The following ADGRL2 variants were observed in gnomAD, a reference collection of about 807,000 sequenced individuals.
The protein encoded by ADGRL2 is adhesion G protein-coupled receptor L2.
In ADGRL2, 44 loss-of-function variants were observed where a neutral mutation model predicts 157.4. The ratio of observed to expected loss-of-function variants is 0.28; its 90% CI spans 0.22 to 0.36. The LOEUF (loss-of-function observed/expected upper bound fraction) is 0.36, where lower values mean the gene tolerates loss of function less well. Ranked by LOEUF, ADGRL2 falls within the 10% of genes least tolerant of loss-of-function variation. The pLI, the probability that ADGRL2 is intolerant of heterozygous loss-of-function variation, is 1.00. For synonymous variants in ADGRL2, 585 were observed against 624.7 expected, an observed-to-expected ratio of 0.94 and a Z score of 0.95; for missense variants, 1,510 against 1,768.9, an observed-to-expected ratio of 0.85 and a Z score of 2.63.
chr1:81,662,222 T>C (rs1445646084), intron 3 of ADGRL2, among the ~76,000 whole-genome samples: 1 of 151,786 alleles, frequency 6.6e-6, no homozygotes, highest in Non-Finnish European at 1.5e-5. Flanking sequence ...ATCACCCTAC[T>C]GTGCTATCAA....
At chr1:81,331,365 C>A (rs1298038238) in intron 1 of ADGRL2, among the ~76,000 whole-genome samples, 1 of 152,074 alleles carries the variant, frequency 6.6e-6, no homozygotes, top group Non-Finnish European at 1.5e-5. Flanking sequence ...AGTTTTGACC[C>A]TTTGGGGGTA....
chr1:81,516,931 G>C (rs1286938180), intron 2 of ADGRL2, among the ~76,000 whole-genome samples: 2 of 135,650 alleles, frequency 1.5e-5, no homozygotes, highest in South Asian at 2.5e-4. Flanking sequence ...ACACTAACTT[G>C]CATACAGTGG....
At chr1:81,710,626 TAAA>T (rs373944276) in intron 1 of ADGRL2, among the ~76,000 whole-genome samples, 4 of 132,490 alleles carry the variant, frequency 3.0e-5, no homozygotes, top group South Asian at 2.5e-4. Context: ...CTCAAAAAAT[TAAA>T]AAAAAAAAAA....
chr1:81,990,456 A>G lies in ADGRL2; in HGVS notation c.3721A>G (p.Asn1241Asp). ...MDTLPLNGNF[N>D]NSYSLHKGDY... ...TACTCTACCGCTAAATGGTAATTTTAACAACAGCTACTCGCTGCACAAGGG... is the reference window on the plus strand; with the variant it reads ...TACTCTACCGCTAAATGGTAATTTTGACAACAGCTACTCGCTGCACAAGGG... Residue 1241 changes from asparagine (N) to aspartate (D), a missense_variant, in exon 24 of 24, where the codon AAC becomes GAC. This residue lies in a region of ADGRL2 where 327 missense variants were observed against 310.1 expected (regional missense o/e 1.05). Coordinates refer to ENST00000686636, the MANE Select transcript of ADGRL2 (RefSeq NM_001366006.2). 2 of 1,614,108 alleles carry G rather than the reference A, an allele frequency of 1.2e-6. No homozygotes were observed. The highest frequency in any genetic ancestry group is 1.1e-5 in the South Asian group (1 of 91,092).
intron 3 of ADGRL2, among the ~76,000 whole-genome samples, chr1:81,641,566 C>A (rs1044648116): frequency 6.6e-6 from 1 of 152,160 alleles, no homozygotes. Flanking sequence ...TGAACAAGCA[C>A]ATTTCTACAT....
intron 2 of ADGRL2, among the ~76,000 whole-genome samples, chr1:81,456,635 A>T (rs1571017334): frequency 6.6e-6 from 1 of 151,256 alleles, no homozygotes; most frequent in East Asian, 1.9e-4. Flanking sequence ...TGCTTGTGAA[A>T]TTTTCATTTA....
intron 2 of ADGRL2, among the ~76,000 whole-genome samples, chr1:81,764,560 G>C (rs2086042686): frequency 6.6e-6 from 1 of 151,930 alleles, no homozygotes; most frequent in Admixed American, 6.6e-5. Flanking sequence ...TAACAGAATT[G>C]TTTCTCTAAT....
At chr1:81,380,971 A>G (rs576369943) in intron 1 of ADGRL2, among the ~76,000 whole-genome samples, 1 of 152,252 alleles carries the variant, frequency 6.6e-6, no homozygotes, top group East Asian at 1.9e-4. Flanking sequence ...CATCTCATTT[A>G]CAATTATGTT....
chr1:81,461,483 C>T (rs1435211053), intron 2 of ADGRL2, among the ~76,000 whole-genome samples: 1 of 152,126 alleles, frequency 6.6e-6, no homozygotes, highest in Admixed American at 6.5e-5. Flanking sequence ...CAGTTACCTT[C>T]AATGATTCTA....
intron 1 of ADGRL2, among the ~76,000 whole-genome samples, chr1:81,747,231 A>C (rs191285279): frequency 1.4e-5 from 2 of 146,750 alleles, no homozygotes; most frequent in Admixed American, 1.4e-4. Flanking sequence ...ATATGTATAT[A>C]TACATATATA....
chr1:81,924,133 G>A (rs2095049821), intron 3 of ADGRL2, among the ~76,000 whole-genome samples: 1 of 152,178 alleles, frequency 6.6e-6, no homozygotes, highest in Non-Finnish European at 1.5e-5. Context: ...CTGTGTGGCT[G>A]ATTCTTCCCG....
At chr1:81,691,820 A>T (rs1478814871) in intron 3 of ADGRL2, among the ~76,000 whole-genome samples, 2 of 150,094 alleles carry the variant, frequency 1.3e-5, no homozygotes, top group Non-Finnish European at 3.0e-5. Flanking sequence ...ACTTTTGATT[A>T]TCAAGAGTTG....
At chr1:81,728,422 G>T (rs115678328) in intron 1 of ADGRL2, among the ~76,000 whole-genome samples, 1 of 152,124 alleles carries the variant, frequency 6.6e-6, no homozygotes, top group South Asian at 2.1e-4. Flanking sequence ...TTAAATGCAG[G>T]TATTTGTGTT....
chr1:81,789,208 A>G (rs917642951), intron 2 of ADGRL2, among the ~76,000 whole-genome samples: 1 of 152,180 alleles, frequency 6.6e-6, no homozygotes, highest in Non-Finnish European at 1.5e-5. Flanking sequence ...AGCTGGGCAT[A>G]TAAAGTTTAG....
chr1:81,958,658 A>C (rs1654369884), intron 11 of ADGRL2, among the ~76,000 whole-genome samples: 1 of 152,186 alleles, frequency 6.6e-6, no homozygotes, highest in Admixed American at 6.5e-5. Context: ...TAAAATATGC[A>C]ATAAGAGCAC....
chr1:81,837,998 C>A (rs1029455035), intron 2 of ADGRL2, among the ~76,000 whole-genome samples: 2 of 151,586 alleles, frequency 1.3e-5, no homozygotes, highest in Non-Finnish European at 2.9e-5. Context: ...TAAAAAATTC[C>A]AATTCTTGAA....
chr1:81,361,473 A>G lies in ADGRL2; in HGVS notation c.-302+54964A>G, dbSNP rs539009760. Among the ~76,000 whole-genome samples the G allele has an allele frequency of 1.6e-4, 25 of 152,040 alleles. No homozygotes were observed. In the East Asian group the frequency reaches 3.3e-3, roughly 20 times the overall value. ...GCCCAGAACTTCAATTATTCTAAGC[A>G]GGGTGGTCAAAGCCTTGAGGAAGTC... On this transcript the variant is annotated intron_variant, in intron 1 of 24. Transcript: ENST00000370721.
At chr1:81,695,625 A>G (rs1002579766), upstream of ADGRL2, among the ~76,000 whole-genome samples, 1 of 152,152 alleles carries the variant, frequency 6.6e-6, no homozygotes, top group Non-Finnish European at 1.5e-5. Context: ...TTAAGAGACC[A>G]GCCTGGCCAA....
chr1:81,477,157 G>T (rs1164023766), intron 2 of ADGRL2, among the ~76,000 whole-genome samples: 1 of 152,114 alleles, frequency 6.6e-6, no homozygotes, highest in East Asian at 1.9e-4. Flanking sequence ...TGGTTTACAT[G>T]TGTCATATCA....
Sources: gnomAD v4.1 joint callset for allele counts (sites outside exome capture counted in the v4.1 genomes callset) on GRCh38, gnomAD v4.1.1 for gene constraint, gnomAD v4.1.1 regional missense constraint, MANE v1.5 for transcripts, NCBI Gene and HGNC (gene_info 2026-07-23, HGNC 2026-07-21) for gene names.